EIPR1: variants seen among roughly 807,000 people sequenced by gnomAD.
The protein encoded by EIPR1 is EARP and GARP complex-interacting protein 1.
In EIPR1, 25 loss-of-function variants were observed where a neutral mutation model predicts 48.1. The observed-to-expected ratio is 0.52, with a 90% CI of 0.38 to 0.73. The LOEUF is 0.73. Ranked by LOEUF, EIPR1 falls within the 30% of genes least tolerant of loss-of-function variation. EIPR1 has a pLI of 0.00. For synonymous variants in EIPR1, 204 were observed against 201.9 expected, an observed-to-expected ratio of 1.01 and a Z score of -0.09; for missense variants, 415 against 506.2, an observed-to-expected ratio of 0.82 and a Z score of 1.73.
chr2:3,309,448 G>C (rs1025498746), intron 3 of EIPR1, among the ~76,000 whole-genome samples: 1 of 152,120 alleles, frequency 6.6e-6, no homozygotes, highest in Non-Finnish European at 1.5e-5. Flanking sequence ...GAAACAAAGA[G>C]AACAGAAAAC....
chr2:3,190,083 G>T (rs184906590), intron 8 of EIPR1, among the ~76,000 whole-genome samples: 2 of 152,078 alleles, frequency 1.3e-5, no homozygotes, highest in Non-Finnish European at 2.9e-5. Flanking sequence ...CAGCAGAGGC[G>T]TGACCTGCCT....
At chr2:3,237,370 T>C (rs1290775977) in intron 4 of EIPR1, among the ~76,000 whole-genome samples, 2 of 152,008 alleles carry the variant, frequency 1.3e-5, no homozygotes, top group Admixed American at 6.6e-5. Context: ...CAACAAGATA[T>C]TGGGAGACAA....
intron 4 of EIPR1, among the ~76,000 whole-genome samples, chr2:3,241,986 C>T (rs894129647): frequency 2.6e-5 from 4 of 152,142 alleles, no homozygotes; most frequent in East Asian, 1.9e-4. Flanking sequence ...AACACAAAAT[C>T]GACTACATTC....
At chr2:3,304,842 T>C (rs112286970) in intron 3 of EIPR1, among the ~76,000 whole-genome samples, 35 of 101,904 alleles carry the variant, frequency 3.4e-4, no homozygotes, top group South Asian at 6.3e-4. Flanking sequence ...TCCAGTCCCG[T>C]CCAGTTCAGC....
intron 3 of EIPR1, among the ~76,000 whole-genome samples, chr2:3,295,299 C>CCA (rs1668523074): frequency 1.0e-5 from 1 of 97,468 alleles, no homozygotes. Context: ...CGTCCTCTCT[C>CCA]CACACACACC....
At chr2:3,341,196 A>C (rs1670237448) in intron 2 of EIPR1, among the ~76,000 whole-genome samples, 1 of 152,126 alleles carries the variant, frequency 6.6e-6, no homozygotes, top group Non-Finnish European at 1.5e-5. Context: ...AGTAATGACA[A>C]GTAACAACAA....
intron 3 of EIPR1, among the ~76,000 whole-genome samples, chr2:3,271,497 A>G (rs900790503): frequency 6.6e-6 from 1 of 152,254 alleles, no homozygotes; most frequent in Non-Finnish European, 1.5e-5. Flanking sequence ...ATCTTGTGCT[A>G]GCAGGCATGA....
chr2:3,283,473 T>G (rs1668077150), intron 3 of EIPR1, among the ~76,000 whole-genome samples: 1 of 152,180 alleles, frequency 6.6e-6, no homozygotes, highest in Admixed American at 6.5e-5. Context: ...TGCCTCCGCA[T>G]TGCCTGCAGT....
At chr2:3,317,269 G>A (rs1256029932) in intron 3 of EIPR1, among the ~76,000 whole-genome samples, 6 of 151,786 alleles carry the variant, frequency 4.0e-5, no homozygotes, top group African/African-American at 9.7e-5. Context: ...CTTGCATGCC[G>A]GGTAGAGAAC....
intron 7 of EIPR1, among the ~76,000 whole-genome samples, chr2:3,193,291 T>C (rs1017904085): frequency 2.6e-5 from 4 of 152,224 alleles, no homozygotes; most frequent in African/African-American, 7.2e-5. Context: ...AGATAAGTAA[T>C]TCAAACAATA....
Position 3,377,140 on chromosome 2 carries a change from T to G in EIPR1, c.42+508A>C, listed in dbSNP as rs139126186. 3.9e-3 allele frequency among the ~76,000 whole-genome samples: 593 copies of G among 152,348 alleles called. 4 individuals carry two copies. Among genetic ancestry groups the G allele is most frequent in the Middle Eastern group, 0.014 (4 of 294 alleles). On this transcript the variant is annotated intron_variant, in intron 1 of 8. Transcript: ENST00000382125. ...AAGACAGTCTGTGGTTTACTGAATA[T>G]TAGTGTACCAATGTTAATTTCTAAG... is the stretch of plus-strand genomic sequence containing the variant.
At chr2:3,226,772 G>A (rs1666079392) in intron 4 of EIPR1, among the ~76,000 whole-genome samples, 1 of 152,184 alleles carries the variant, frequency 6.6e-6, no homozygotes, top group Non-Finnish European at 1.5e-5. Flanking sequence ...GGGGCCTGGT[G>A]GGAGGTGATG....
At chr2:3,354,305 A>G (rs1670665169) in intron 2 of EIPR1, among the ~76,000 whole-genome samples, 1 of 152,248 alleles carries the variant, frequency 6.6e-6, no homozygotes, top group African/African-American at 2.4e-5. Flanking sequence ...CTATATAACC[A>G]CAAGAGCCAA....
chr2:3,274,470 T>C (rs1667789535), intron 3 of EIPR1: 1 of 1,536,952 alleles, frequency 6.5e-7, no homozygotes, highest in Non-Finnish European at 8.8e-7. Context: ...TACTCAAAAA[T>C]AAAGGCATGT....
intron 3 of EIPR1, among the ~76,000 whole-genome samples, chr2:3,273,853 C>T (rs1667769108): frequency 6.6e-6 from 1 of 152,114 alleles, no homozygotes. Flanking sequence ...TGAATGAGGG[C>T]AGGCCAAGAG....
At chr2:3,296,187 C>G (rs1206100737) in intron 3 of EIPR1, among the ~76,000 whole-genome samples, 1 of 143,084 alleles carries the variant, frequency 7.0e-6, no homozygotes, top group African/African-American at 2.6e-5. Flanking sequence ...CACACATACA[C>G]CCTCCATCCA....
In EIPR1 at chr2:3,331,290, T is replaced by C. The variant is rs796574328; in HGVS notation, c.259+6727A>G. On this transcript the variant is annotated intron_variant, in intron 3 of 8. Coordinates refer to ENST00000382125, the MANE Select transcript of EIPR1 (RefSeq NM_003310.5). Reference sequence around the variant, plus strand: ...TGGTGTGAGCAGAGGCAGGTGTGTATACACTCATGAGATGGTTTCAGCAGA... The same window carrying C: ...TGGTGTGAGCAGAGGCAGGTGTGTACACACTCATGAGATGGTTTCAGCAGA... Among the ~76,000 whole-genome samples the C allele has an allele frequency of 8.0e-4, 62 of 77,166 alleles. 13 individuals are homozygous for C. In the East Asian group the frequency reaches 0.014, roughly 17 times the overall value. The allele number at this position is 77,166 out of a possible 152,430, so 50.6% of individuals were successfully genotyped here.
Position 3,192,430 on chromosome 2 carries a change from G to C in EIPR1, c.973C>G (p.His325Asp). The C allele has an allele frequency of 6.2e-6, 10 of 1,611,520 alleles. No individual in the cohort carries two copies. The highest frequency in any genetic ancestry group is 8.5e-6 in the Non-Finnish European group (10 of 1,179,016). The change falls in exon 8 of 9, where the codon CAC (histidine) becomes GAC (aspartate). Residue 325 changes from histidine (H) to aspartate (D), a missense_variant. Physicochemically the swap from His to Asp is moderately conservative, Grantham distance 81 (BLOSUM62 -1). Transcript: ENST00000382125. ...TGCCCTTACTTCTCTTCAGAACGGT[G>C]GTCCTCCTGGTCACTGATGTCATCG... ...DDDDISDQED[H>D]RSEEKSKEPL...
rs878900040 is a variant in EIPR1 at position 3,304,583 on chromosome 2, A to G, written c.259+33434T>C. ...CACTCCCGTCCTGTTCAGCCCTCCA[A>G]TCCCGTCCAGTTCAACCTTCCACTC... is the stretch of plus-strand genomic sequence containing the variant. On this transcript the variant is annotated intron_variant, in intron 3 of 8. Transcript: ENST00000382125. Among the ~76,000 whole-genome samples the G allele has an allele frequency of 3.1e-3, 18 of 5,720 alleles. 8 individuals are homozygous for G. The highest frequency in any genetic ancestry group is 4.1e-3 in the Non-Finnish European group (12 of 2,930). 3.8% of individuals were successfully genotyped at this position (5,720 alleles called of 152,430 possible). A position where few individuals can be genotyped will look rare whatever the true frequency, so the allele number is the denominator to read the frequency against.
Sources: allele counts gnomAD v4.1 joint callset (sites outside exome capture counted in the v4.1 genomes callset), GRCh38; gene constraint gnomAD v4.1.1; transcripts MANE v1.5; gene names NCBI Gene and HGNC (gene_info 2026-07-23, HGNC 2026-07-21).